Variants in ALDH1L2 observed in about 807,000 individuals in gnomAD.
ALDH1L2 encodes the protein aldehyde dehydrogenase 1 family member L2.
ALDH1L2 carries 91 observed loss-of-function variants against 111.0 expected under a neutral mutation model. The observed-to-expected ratio is 0.82, with a 90% CI of 0.69 to 0.98. ALDH1L2 has a LOEUF of 0.98. Among genes scored for constraint, ALDH1L2 ranks in the 50% least tolerant of loss-of-function variants. The probability of loss-of-function intolerance (pLI) is 0.00; values close to 1 mark genes in which losing one functional copy is unlikely to be tolerated. For missense variants in ALDH1L2, 995 were observed against 1,126.8 expected (o/e 0.88, Z 1.67); for synonymous variants, 374 against 392.6 (o/e 0.95, Z 0.56).
intron 6 of ALDH1L2, among the ~76,000 whole-genome samples, 194 bp downstream of exon 6, chr12:105,065,073 T>TCCGAG (rs1877263710): frequency 1.3e-5 from 2 of 152,232 alleles, no homozygotes; most frequent in Admixed American, 1.3e-4. Context: ...AACTGCAGGC[T>TCCGAG]CCTTAGATCA....
chr12:105,063,825 G>C (rs60167837), intron 6 of ALDH1L2, among the ~76,000 whole-genome samples: 3,108 of 152,242 alleles, frequency 0.02, 71 homozygotes, highest in East Asian at 0.053. Context: ...AAGAGACACT[G>C]ACGCTGACTG....
rs138908674 is a variant in ALDH1L2, at chr12:105,046,933, G to T, written c.1723C>A (p.Arg575Ser). ...TIPINQARPN[R>S]NLTFTKKEPL... The stretch of plus-strand genomic sequence containing the variant: ...TCTTTCTTGGTGAAGGTCAGATTGC[G>T]ATTTGGACGGGCCTGGTTGATTGGA... Residue 575 changes from arginine (R) to serine (S), a missense_variant, in exon 14 of 23, where the codon CGC becomes AGC. Coordinates refer to ENST00000258494, the MANE Select transcript of ALDH1L2 (RefSeq NM_001034173.4). 4 of 1,614,030 alleles carry T rather than the reference G, an allele frequency of 2.5e-6. No homozygotes were observed. The highest frequency in any genetic ancestry group is 4.5e-5 in the East Asian group (2 of 44,900).
chr12:105,070,951 C>T, intron 2 of ALDH1L2, 147 bp from the exon 3 acceptor site: 1 of 727,694 alleles, frequency 1.4e-6, no homozygotes, highest in East Asian at 2.7e-5. Context: ...TAGAATTTCA[C>T]CTGTTGTAAT....
Position 105,073,992 on chromosome 12 carries a change from T to C in ALDH1L2, c.62A>G (p.Asn21Ser), listed in dbSNP as rs747723427. Residue 21 changes from asparagine (N) to serine (S), a missense_variant, in exon 2 of 23, where the codon AAC becomes AGC. Physicochemically the swap from Asn to Ser is conservative, Grantham distance 46. Transcript: ENST00000258494. The stretch of plus-strand genomic sequence containing the variant: ...GCCAATTAGTGCCAACTTCAGCTTG[T>C]TTTTGAAATAAACCTGTGAAACAAT... The part of the protein sequence containing the change: ...RFSTGRVYFK[N>S]KLKLALIGQS... The C allele has an allele frequency of 5.0e-6, 8 of 1,613,968 alleles. No individual in the cohort carries two copies. Among genetic ancestry groups the C allele is most frequent in the African/African-American group, 2.7e-5 (2 of 74,898 alleles).
intron 13 of ALDH1L2, 90 bp from the exon 14 acceptor site, chr12:105,047,059 C>G: frequency 7.0e-7 from 1 of 1,421,336 alleles, no homozygotes; most frequent in Non-Finnish European, 9.8e-7. Flanking sequence ...TCCTCTCTTA[C>G]TTTTTGTTAG....
chr12:105,028,156 G>C (rs1462040891), intron 21 of ALDH1L2, among the ~76,000 whole-genome samples: 7 of 152,174 alleles, frequency 4.6e-5, no homozygotes, highest in Non-Finnish European at 1.0e-4. Context: ...TGTCGCCCAG[G>C]CTGGAGGGCA....
In ALDH1L2 at chr12:105,077,437, AT is replaced by A. The variant is rs776388765; in HGVS notation, c.49-3433del. 6.8e-3 allele frequency among the ~76,000 whole-genome samples: 969 copies of A among 143,398 alleles called. 1 individual carries two copies. Among genetic ancestry groups the A allele is most frequent in the African/African-American group, 0.01 (399 of 39,282 alleles). The allele number at this position is 143,398 out of a possible 152,430, so 94.1% of individuals were successfully genotyped here. A position where few individuals can be genotyped will look rare whatever the true frequency, so the allele number is the denominator to read the frequency against. On this transcript the variant is annotated intron_variant, in intron 1 of 22. Transcript: ENST00000258494. Reference sequence around the variant, plus strand: ...AGGCGCACGCCGTCATGCCCAGCTAATTTTTTTTTTTTTTTAATTTTAGTAG... The same window carrying A: ...AGGCGCACGCCGTCATGCCCAGCTAATTTTTTTTTTTTTTAATTTTAGTAG...
chr12:105,052,715 A>G, intron 11 of ALDH1L2, 97 bp downstream of exon 11: 1 of 1,454,306 alleles, frequency 6.9e-7, no homozygotes. Context: ...GCAGAGTGAG[A>G]GAATAAAAGG....
At chr12:105,071,029 G>T (rs893959915) in intron 2 of ALDH1L2, among the ~76,000 whole-genome samples, 2 of 152,226 alleles carry the variant, frequency 1.3e-5, no homozygotes, top group African/African-American at 4.8e-5. Flanking sequence ...AAAAGTTTTT[G>T]GCTAGATGAT....
At chr12:105,025,479 A>C (rs894065029) in intron 22 of ALDH1L2, among the ~76,000 whole-genome samples, 2 of 152,198 alleles carry the variant, frequency 1.3e-5, no homozygotes, top group Admixed American at 1.3e-4. Flanking sequence ...TCTAATAATA[A>C]ATTCCCTAAG....
chr12:105,034,789 G>A (rs10861311), intron 18 of ALDH1L2, among the ~76,000 whole-genome samples: 34,453 of 152,014 alleles, frequency 0.23, 5,399 homozygotes, highest in East Asian at 0.5. Flanking sequence ...TTCAAGACCA[G>A]TGTGGCCAAC....
At position 105,023,636 on chromosome 12, in the gene ALDH1L2, T is replaced by C. The variant is rs1175091913; in HGVS notation, c.*788A>G. ...AGGAAGGCATTTACTATCCCTGTTT[T>C]ACACATAGGGAAGCAGAGGCTCAGA... On this transcript the variant is annotated 3_prime_UTR_variant, in exon 23 of 23. Transcript: ENST00000258494. The C allele has an allele frequency of 6.6e-6, 1 of 152,204 alleles. No individual in the cohort carries two copies. The highest frequency in any genetic ancestry group is 2.4e-5 in the African/African-American group (1 of 41,462). 9.4% of individuals were successfully genotyped at this position (152,204 alleles called of 1,614,324 possible).
chr12:105,038,273 C>CACAA (rs1875292196), intron 17 of ALDH1L2, 71 bp from the exon 18 acceptor site: 1 of 411,844 alleles, frequency 2.4e-6, no homozygotes, highest in Non-Finnish European at 4.2e-6. Flanking sequence ...CACACACACA[C>CACAA]ACACAAACAC....
In ALDH1L2 at chr12:105,034,349, C is replaced by T; in HGVS notation, c.2195G>A (p.Gly732Glu). ...GATGGATTCTTCCACGAACAACCGC[C>T]CAGCAGCAATACAGTTCTCTCCTTT... ...FNKGENCIAA[G>E]RLFVEESIHD... is the part of the protein sequence containing the mutation. The change falls in exon 19 of 23, where the codon GGG (glycine) becomes GAG (glutamate). Residue 732 changes from glycine to glutamate, a missense_variant. Coordinates refer to ENST00000258494, the MANE Select transcript of ALDH1L2 (RefSeq NM_001034173.4). The T allele has an allele frequency of 6.2e-7, 1 of 1,613,522 alleles. No homozygotes were observed. The highest frequency in any genetic ancestry group is 1.7e-5 in the Admixed American group (1 of 59,922).
intron 8 of ALDH1L2, 45 bp downstream of exon 8, chr12:105,061,582 C>CA: frequency 1.1e-5 from 18 of 1,607,852 alleles, no homozygotes; most frequent in Non-Finnish European, 1.5e-5. Context: ...GAACATGCTT[C>CA]AGTTTTCCAA....
chr12:105,053,231 C>T (rs958944828), intron 10 of ALDH1L2, among the ~76,000 whole-genome samples: 2 of 152,186 alleles, frequency 1.3e-5, no homozygotes, highest in Non-Finnish European at 2.9e-5. Context: ...ATGGAAACAC[C>T]ACCATCTAGT....
chr12:105,039,747 C>G lies in ALDH1L2; in HGVS notation c.2011G>C (p.Gly671Arg). The change falls in exon 17 of 23, where the codon GGA becomes CGA. Residue 671 changes from glycine to arginine, a missense_variant. Transcript: ENST00000258494. ...ATCTGTTTGCCAATAGGAGTGGATCCAGTGAAACCAAGTTTGCGGATGTCA... is the reference window on the plus strand; with the variant it reads ...ATCTGTTTGCCAATAGGAGTGGATCGAGTGAAACCAAGTTTGCGGATGTCA... ...HPDIRKLGFT[G>R]STPIGKQIMK... The G allele has an allele frequency of 1.2e-6, 2 of 1,613,998 alleles. No individual in the cohort carries two copies. Among genetic ancestry groups the G allele is most frequent in the Non-Finnish European group, 1.7e-6 (2 of 1,179,944 alleles).
chr12:105,048,262 G>T (rs1333092833), intron 13 of ALDH1L2: 1 of 152,218 alleles, frequency 6.6e-6, no homozygotes, highest in Non-Finnish European at 1.5e-5. Flanking sequence ...AGGAAAGTAA[G>T]GTTCTGAGAG....
chr12:105,059,098 C>A (rs1479979190), intron 9 of ALDH1L2, among the ~76,000 whole-genome samples: 1 of 151,974 alleles, frequency 6.6e-6, no homozygotes, highest in African/African-American at 2.4e-5. Flanking sequence ...GAAACCCCGT[C>A]TCTCCTAAAA....
Sources: allele counts gnomAD v4.1 joint callset (sites outside exome capture counted in the v4.1 genomes callset), GRCh38; gene constraint gnomAD v4.1.1; transcripts MANE v1.5; gene names NCBI Gene and HGNC (gene_info 2026-07-23, HGNC 2026-07-21).